The following FMN1 variants were observed in gnomAD, a reference collection of about 807,000 sequenced individuals.
The protein encoded by FMN1 is formin 1, also known as formin-1.
A neutral mutation model predicts 132.4 loss-of-function variants in FMN1; 110 were observed. That is an observed-to-expected ratio of 0.83 (90% CI 0.71 to 0.97). The LOEUF (loss-of-function observed/expected upper bound fraction) is 0.97, where lower values mean the gene tolerates loss of function less well. Ranked by LOEUF, FMN1 falls within the 50% of genes least tolerant of loss-of-function variation. The pLI is 0.00. For synonymous variants in FMN1, 722 were observed against 651.7 expected, an observed-to-expected ratio of 1.11 and a Z score of -1.64; for missense variants, 1,792 against 1,705.3, an observed-to-expected ratio of 1.05 and a Z score of -0.90.
At chr15:33,121,794 G>A (rs1395096933) in intron 4 of FMN1, among the ~76,000 whole-genome samples, 1 of 152,160 alleles carries the variant, frequency 6.6e-6, no homozygotes, top group East Asian at 1.9e-4. Flanking sequence ...GCCTCCCAAA[G>A]TGCTAGGATT....
At chr15:33,076,988 C>A (rs1276694866) in intron 5 of FMN1, among the ~76,000 whole-genome samples, 2 of 152,168 alleles carry the variant, frequency 1.3e-5, no homozygotes, top group African/African-American at 4.8e-5. Context: ...TGTCAATGCA[C>A]TAAAATTGCA....
chr15:33,176,306 G>A (rs1304616163), intron 3 of FMN1, among the ~76,000 whole-genome samples: 2 of 152,064 alleles, frequency 1.3e-5, no homozygotes, highest in Admixed American at 1.3e-4. Flanking sequence ...AGGAGTTCGA[G>A]ACCAGCCTGG....
intron 9 of FMN1, among the ~76,000 whole-genome samples, chr15:32,950,973 C>G (rs2140498551): frequency 6.6e-6 from 1 of 151,012 alleles, no homozygotes; most frequent in South Asian, 2.1e-4. Flanking sequence ...ATTTGGAGAA[C>G]TTTTGCTTTT....
Position 32,770,861 on chromosome 15 carries a change from T to G in FMN1, c.*3449A>C, listed in dbSNP as rs1567138681. On this transcript the variant is annotated 3_prime_UTR_variant, in exon 21 of 21. Coordinates refer to ENST00000616417, the MANE Select transcript of FMN1 (RefSeq NM_001277313.2). ...CTTTATAATTCCTGAGTAGTTGCAG[T>G]GAGTGTGTAGAAAGACACCATCATC... 6.6e-6 allele frequency: 1 copy of G among 152,064 alleles called. No individual in the cohort carries two copies. The highest frequency in any genetic ancestry group is 1.5e-5 in the Non-Finnish European group (1 of 68,024). The allele number at this position is 152,064 out of a possible 1,614,324, so 9.4% of individuals were successfully genotyped here.
At chr15:33,123,210 G>C (rs1239805978) in intron 4 of FMN1, among the ~76,000 whole-genome samples, 1 of 151,560 alleles carries the variant, frequency 6.6e-6, no homozygotes, top group African/African-American at 2.4e-5. Flanking sequence ...CATCAACTGG[G>C]GATCACCAAC....
At position 33,088,987 on chromosome 15, in the gene FMN1, A is replaced by AT. The variant is rs1397969945; in HGVS notation, c.1868-14_1868-13insA. The AT allele has an allele frequency of 9.2e-6, 14 of 1,525,272 alleles. No homozygotes were observed. The East Asian group carries it at 3.4e-4, about 37-fold the overall frequency. The allele number at this position is 1,525,272 out of a possible 1,614,324, so 94.5% of individuals were successfully genotyped here. A position where few individuals can be genotyped will look rare whatever the true frequency, so the allele number is the denominator to read the frequency against. ...TCAGAGGAGATACCTAAACAAACAC[A>AT]GAGAAGGCCATCAGTGACATGGCAG... is the stretch of plus-strand genomic sequence containing the variant. On this transcript the variant is annotated splice_polypyrimidine_tract_variant and intron_variant, in intron 4 of 20. Transcript: ENST00000616417.
chr15:32,992,050 C>A (rs980764122), intron 7 of FMN1, among the ~76,000 whole-genome samples: 6 of 152,158 alleles, frequency 3.9e-5, no homozygotes, highest in African/African-American at 1.4e-4. Flanking sequence ...CACATAAATT[C>A]AGAGTCATAA....
At position 32,848,972 on chromosome 15, in the gene FMN1, C is replaced by CTTT. The variant is rs1224231827; in HGVS notation, c.3928+8040_3928+8042dup. On this transcript the variant is annotated intron_variant, in intron 17 of 20. Coordinates refer to ENST00000616417, the MANE Select transcript of FMN1 (RefSeq NM_001277313.2). ...TGAATATCAGTCTTGGGTTAGTTCT[C>CTTT]TTTTGTTTTTTTTTTTTTTTTTTTT... 1.2e-3 allele frequency among the ~76,000 whole-genome samples: 83 copies of CTTT among 68,618 alleles called. 1 individual carries two copies. Among genetic ancestry groups the CTTT allele is most frequent in the African/African-American group, 4.3e-3 (78 of 18,036 alleles). 45.0% of individuals were successfully genotyped at this position (68,618 alleles called of 152,430 possible). A position where few individuals can be genotyped will look rare whatever the true frequency, so the allele number is the denominator to read the frequency against.
chr15:32,938,995 C>G (rs2061341563), intron 9 of FMN1, among the ~76,000 whole-genome samples: 1 of 152,124 alleles, frequency 6.6e-6, no homozygotes, highest in African/African-American at 2.4e-5. Flanking sequence ...AAGTCATTTT[C>G]AAAGGGAAGA....
chr15:32,876,408 G>C (rs889771383), intron 16 of FMN1, among the ~76,000 whole-genome samples: 4 of 152,154 alleles, frequency 2.6e-5, no homozygotes, highest in African/African-American at 9.7e-5. Context: ...TTAGGTCCTG[G>C]AACAGAAAGG....
At chr15:32,860,132 AAGAG>A (rs1158541774) in intron 16 of FMN1, among the ~76,000 whole-genome samples, 2 of 143,496 alleles carry the variant, frequency 1.4e-5, no homozygotes, top group African/African-American at 4.9e-5. Context: ...GAGAGAGACA[AAGAG>A]AGAAAGAAAA....
intron 7 of FMN1, among the ~76,000 whole-genome samples, chr15:32,981,091 C>A (rs186909432): frequency 6.6e-6 from 1 of 151,846 alleles, no homozygotes; most frequent in South Asian, 2.1e-4. Flanking sequence ...CTATTCAAAC[C>A]CTGGGATTTT....
chr15:33,126,140 A>G (rs559635317), intron 4 of FMN1, among the ~76,000 whole-genome samples: 242 of 152,026 alleles, frequency 1.6e-3, no homozygotes, highest in Middle Eastern at 3.4e-3. Flanking sequence ...GCTGCTGACT[A>G]AATGAGTTTA....
intron 10 of FMN1, among the ~76,000 whole-genome samples, chr15:32,918,009 G>C (rs901495387): frequency 6.6e-6 from 1 of 152,026 alleles, no homozygotes. Flanking sequence ...TGCAACATAT[G>C]CAATGAAATG....
intron 17 of FMN1, among the ~76,000 whole-genome samples, chr15:32,845,176 C>A (rs1353674042): frequency 6.6e-6 from 1 of 152,158 alleles, no homozygotes; most frequent in Non-Finnish European, 1.5e-5. Context: ...TGATGAAAAC[C>A]TTGCCATAGT....
intron 7 of FMN1, among the ~76,000 whole-genome samples, chr15:32,975,252 T>C (rs1050079243): frequency 2.0e-5 from 3 of 152,198 alleles, no homozygotes; most frequent in African/African-American, 7.2e-5. Context: ...GTTTATCTTC[T>C]TTGCAAATCT....
At chr15:32,912,071 T>G (rs1263676270) in intron 10 of FMN1, among the ~76,000 whole-genome samples, 1 of 152,214 alleles carries the variant, frequency 6.6e-6, no homozygotes, top group Non-Finnish European at 1.5e-5. Context: ...AAGGTCAAAT[T>G]CTAAACAATA....
intron 16 of FMN1, among the ~76,000 whole-genome samples, chr15:32,875,803 T>G (rs1261629326): frequency 6.6e-6 from 1 of 152,202 alleles, no homozygotes; most frequent in African/African-American, 2.4e-5. Context: ...ATTTTGATAT[T>G]CACAAAACTA....
intron 7 of FMN1, among the ~76,000 whole-genome samples, chr15:32,976,991 A>G (rs2032262727): frequency 6.6e-6 from 1 of 152,200 alleles, no homozygotes; most frequent in African/African-American, 2.4e-5. Flanking sequence ...GAAAAATAGT[A>G]ACAAGGGGAT....
Sources: allele counts gnomAD v4.1 joint callset (sites outside exome capture counted in the v4.1 genomes callset), GRCh38; gene constraint gnomAD v4.1.1; transcripts MANE v1.5; gene names NCBI Gene and HGNC (gene_info 2026-07-23, HGNC 2026-07-21).